The following ANO1 variants were observed in gnomAD, a reference collection of about 807,000 sequenced individuals.
The protein encoded by ANO1 is anoctamin-1.
Under a neutral mutation model 124.0 loss-of-function variants are expected in ANO1, and 59 were observed. The observed-to-expected ratio is 0.48, with a 90% CI of 0.39 to 0.59. The LOEUF is 0.59. Ranked by LOEUF, ANO1 falls within the 20% of genes least tolerant of loss-of-function variation. The pLI is 0.00. For missense variants in ANO1, 1,059 were observed against 1,328.0 expected (o/e 0.80, Z 3.15); for synonymous variants, 529 against 532.0 (o/e 0.99, Z 0.08).
chr11:70,118,783 G>T (rs1343404790), intron 8 of ANO1, among the ~76,000 whole-genome samples: 1 of 151,826 alleles, frequency 6.6e-6, no homozygotes, highest in East Asian at 1.9e-4. Context: ...TAGGTGTGTG[G>T]GTGGATGGAT....
At chr11:70,095,382 G>A (rs1386520084) in intron 2 of ANO1, among the ~76,000 whole-genome samples, 2 of 33,820 alleles carry the variant, frequency 5.9e-5, no homozygotes, top group African/African-American at 1.7e-4. Context: ...AAGAAAGAAA[G>A]AAAGAAAGAA....
In ANO1 at chr11:70,153,168, A is replaced by G. The variant is rs547083311; in HGVS notation, c.1425+40A>G. ...GTGGGTTAACTTTCCCAGCAATAAA[A>G]CACTGTGTTCATCAACCATGTAGAC... On this transcript the variant is annotated intron_variant, in intron 14 of 25. Transcript: ENST00000355303. 2.9e-5 allele frequency: 44 copies of G among 1,507,350 alleles called. No homozygotes were observed. In the African/African-American group the frequency reaches 5.4e-4, roughly 18 times the overall value. The allele number at this position is 1,507,350 out of a possible 1,614,324, so 93.4% of individuals were successfully genotyped here.
intron 1 of ANO1, among the ~76,000 whole-genome samples, chr11:70,030,716 T>A (rs908003953): frequency 6.6e-6 from 1 of 152,126 alleles, no homozygotes; most frequent in African/African-American, 2.4e-5. Flanking sequence ...GTCCTTAATG[T>A]CATCATATCT....
rs576502024 is a variant in ANO1 at position 70,048,707 on chromosome 11, C to T, written c.59-29835C>T. 4.7e-4 allele frequency among the ~76,000 whole-genome samples: 71 copies of T among 150,262 alleles called. No homozygotes were observed. The East Asian group carries it at 0.013, about 28-fold the overall frequency. On this transcript the variant is annotated intron_variant, in intron 1 of 27. Coordinates refer to the ANO1 transcript ENST00000531349. ...CTCCCCACTCTTCTCCACCCCCCAC[C>T]GCTGACCACCCCCCAGCCCTGGTTA...
intron 11 of ANO1, among the ~76,000 whole-genome samples, chr11:70,139,044 G>A (rs911472583): frequency 6.6e-6 from 1 of 152,134 alleles, no homozygotes; most frequent in African/African-American, 2.4e-5. Context: ...TTGGTTTTCT[G>A]TTCCTGCATT....
chr11:70,175,291 C>T (rs1466087100), intron 22 of ANO1, among the ~76,000 whole-genome samples: 5 of 152,258 alleles, frequency 3.3e-5, no homozygotes, highest in South Asian at 2.1e-4. Context: ...GGTTCCTGTC[C>T]GGTTGGCTGA....
chr11:70,120,080 C>G (rs2046195651), intron 8 of ANO1, among the ~76,000 whole-genome samples: 1 of 152,132 alleles, frequency 6.6e-6, no homozygotes, highest in Non-Finnish European at 1.5e-5. Flanking sequence ...TTGTTCTAAT[C>G]AGTGGCAGGA....
intron 2 of ANO1, among the ~76,000 whole-genome samples, chr11:70,095,616 G>A (rs2135300793): frequency 6.6e-6 from 1 of 152,324 alleles, no homozygotes; most frequent in South Asian, 2.1e-4. Flanking sequence ...ATGGTGTGCT[G>A]GAGTCATGTC....
intron 22 of ANO1, among the ~76,000 whole-genome samples, chr11:70,177,594 CTTTTTTTTTT>C (rs57647858): frequency 6.3e-5 from 5 of 78,930 alleles, no homozygotes; most frequent in Non-Finnish European, 1.1e-4. Flanking sequence ...TTTTTTTTTT[CTTTTTTTTTT>C]TTTTTTTTTT....
chr11:70,015,487 C>A (rs933430779), intron 1 of ANO1, among the ~76,000 whole-genome samples: 9 of 152,158 alleles, frequency 5.9e-5, no homozygotes, highest in African/African-American at 2.2e-4. Context: ...GCAGCCCAGC[C>A]CTGGGCGGGT....
intron 1 of ANO1, among the ~76,000 whole-genome samples, chr11:70,068,472 C>A (rs554487775): frequency 6.6e-6 from 1 of 152,322 alleles, no homozygotes; most frequent in Admixed American, 6.5e-5. Context: ...CCCTGCTTTC[C>A]TGGTGCAGGG....
rs558264892 is a variant in ANO1 at position 70,130,371 on chromosome 11, C to T, written c.1098-1548C>T. The stretch of plus-strand genomic sequence containing the variant: ...GCCACCCAACTTCCACAAGGAGCCC[C>T]CCATGGCCCTTGAGCAGTAGATGAG... On this transcript the variant is annotated intron_variant, in intron 10 of 25. Coordinates refer to ENST00000355303, the MANE Select transcript of ANO1 (RefSeq NM_018043.7). Among the ~76,000 whole-genome samples the T allele has an allele frequency of 1.0e-3, 156 of 152,330 alleles. 8 individuals carry two copies. In the South Asian group the frequency reaches 0.031, roughly 30 times the overall value.
At chr11:70,005,350 A>G (rs370403562) in intron 1 of ANO1, among the ~76,000 whole-genome samples, 3 of 152,198 alleles carry the variant, frequency 2.0e-5, no homozygotes, top group Non-Finnish European at 4.4e-5. Context: ...AAACTGATAT[A>G]TCAGAGCATA....
At chr11:69,974,821 C>A in the ANO1 span, among the ~76,000 whole-genome samples, 2 of 151,206 alleles carry the variant, frequency 1.3e-5, no homozygotes, top group Non-Finnish European at 2.9e-5. Flanking sequence ...GATCAGGATT[C>A]CTGGCTGCAA....
intron 1 of ANO1, among the ~76,000 whole-genome samples, chr11:69,993,436 C>G (rs1554997856): frequency 2.0e-5 from 3 of 152,146 alleles, no homozygotes; most frequent in African/African-American, 7.2e-5. Context: ...CCATCAACAG[C>G]TGGATATTGG....
At chr11:70,102,611 G>C (rs961275750) in intron 2 of ANO1, among the ~76,000 whole-genome samples, 1 of 152,218 alleles carries the variant, frequency 6.6e-6, no homozygotes, top group East Asian at 1.9e-4. Context: ...CCAGAGGGGG[G>C]ACCATCTTCA....
chr11:70,163,199 G>T, intron 18 of ANO1, 84 bp from the exon 19 acceptor site: 1 of 1,452,760 alleles, frequency 6.9e-7, no homozygotes. Context: ...GGACTCACAC[G>T]CTGCACAGTC....
chr11:70,019,414 C>T (rs11236779), intron 1 of ANO1, among the ~76,000 whole-genome samples: 2,777 of 152,178 alleles, frequency 0.018, 89 homozygotes, highest in African/African-American at 0.064. Flanking sequence ...GCAAGGAAAC[C>T]GTTACATTAA....
At chr11:70,144,701 G>A (rs1040349524) in intron 11 of ANO1, among the ~76,000 whole-genome samples, 5 of 152,242 alleles carry the variant, frequency 3.3e-5, no homozygotes, top group African/African-American at 1.2e-4. Flanking sequence ...AGATTTCAGG[G>A]GGATGGGCTT....
Sources: gnomAD v4.1 joint callset for allele counts (sites outside exome capture counted in the v4.1 genomes callset) on GRCh38, gnomAD v4.1.1 for gene constraint, MANE v1.5 for transcripts, NCBI Gene and HGNC (gene_info 2026-07-23, HGNC 2026-07-21) for gene names.